Variants in ABL1 observed in about 807,000 individuals in gnomAD.
ABL1 encodes ABL proto-oncogene 1, non-receptor tyrosine kinase, also known as tyrosine-protein kinase ABL1.
In ABL1, 11 loss-of-function variants were observed where a neutral mutation model predicts 94.7. The ratio of observed to expected loss-of-function variants is 0.12; its 90% confidence interval spans 0.07 to 0.19. The LOEUF is 0.19. Among genes scored for constraint, ABL1 ranks in the 10% least tolerant of loss-of-function variants. The pLI is 1.00. For missense variants in ABL1, 1,082 were observed against 1,489.4 expected, an observed-to-expected ratio of 0.73 and a Z score of 4.50; for synonymous variants, 656 against 622.4, an observed-to-expected ratio of 1.05 and a Z score of -0.80.
upstream of ABL1, among the ~76,000 whole-genome samples, chr9:130,832,253 G>C (rs11789591): frequency 2.3e-4 from 35 of 150,308 alleles, no homozygotes; most frequent in South Asian, 6.3e-4. Context: ...CTCCCGAGTA[G>C]CTGGGATTAC....
At chr9:130,773,497 C>A (rs1310859148) in intron 1 of ABL1, among the ~76,000 whole-genome samples, 1 of 151,988 alleles carries the variant, frequency 6.6e-6, no homozygotes, top group Non-Finnish European at 1.5e-5. Context: ...CTTGCTCTAT[C>A]GTCCAGGCTG....
chr9:130,852,249 A>G (rs1032351833), intron 1 of ABL1, among the ~76,000 whole-genome samples: 1 of 151,746 alleles, frequency 6.6e-6, no homozygotes, highest in Non-Finnish European at 1.5e-5. Context: ...GAGTGCAGAG[A>G]CGAGATCTCA....
At chr9:130,811,154 T>C (rs1212182702) in intron 1 of ABL1, among the ~76,000 whole-genome samples, 1 of 151,158 alleles carries the variant, frequency 6.6e-6, no homozygotes, top group Non-Finnish European at 1.5e-5. Context: ...GTACAAGAAA[T>C]ATCAAAGGAT....
chr9:130,810,723 G>A (rs1366873812), intron 1 of ABL1, among the ~76,000 whole-genome samples: 1 of 151,752 alleles, frequency 6.6e-6, no homozygotes, highest in Admixed American at 6.6e-5. Context: ...AAGGAAGGGA[G>A]GGTATGAGGG....
At chr9:130,751,350 C>A (rs1477214496) in intron 1 of ABL1, among the ~76,000 whole-genome samples, 2 of 151,610 alleles carry the variant, frequency 1.3e-5, no homozygotes, top group African/African-American at 4.8e-5. Context: ...ACCATGCTGG[C>A]CAGGCTAGTC....
chr9:130,873,146 T>G, intron 6 of ABL1, 109 bp downstream of exon 6: 1 of 1,162,084 alleles, frequency 8.6e-7, no homozygotes, highest in African/African-American at 1.6e-5. Context: ...GCTTCTAACC[T>G]CAGTGCTGGC....
intron 4 of ABL1, among the ~76,000 whole-genome samples, chr9:130,871,504 G>T (rs1029861773): frequency 3.9e-5 from 6 of 152,210 alleles, no homozygotes; most frequent in African/African-American, 1.4e-4. Context: ...GGGAGCTGCT[G>T]GTGAGGATTA....
intron 1 of ABL1, among the ~76,000 whole-genome samples, chr9:130,849,484 A>G (rs927456382): frequency 2.0e-5 from 3 of 152,156 alleles, no homozygotes; most frequent in Non-Finnish European, 4.4e-5. Context: ...AGTGATTATT[A>G]TCAAGCGTTC....
intron 1 of ABL1, among the ~76,000 whole-genome samples, chr9:130,842,855 G>T (rs13295907): frequency 0.23 from 34,817 of 152,174 alleles, 5,064 homozygotes; most frequent in African/African-American, 0.41. Context: ...CCTGGAACCT[G>T]TTGGGAAGGT....
intron 3 of ABL1, among the ~76,000 whole-genome samples, chr9:130,857,220 T>A (rs1164975771): frequency 6.6e-6 from 1 of 152,332 alleles, no homozygotes; most frequent in East Asian, 1.9e-4. Context: ...GCAGATAAGT[T>A]GCCAGAACTG....
intron 1 of ABL1, among the ~76,000 whole-genome samples, chr9:130,764,453 T>G (rs1832155664): frequency 6.6e-6 from 1 of 152,212 alleles, no homozygotes; most frequent in South Asian, 2.1e-4. Context: ...GGGACTGTGC[T>G]TTGTGCTTCT....
At chr9:130,770,507 CA>C (rs1250215851) in intron 1 of ABL1, among the ~76,000 whole-genome samples, 1 of 152,104 alleles carries the variant, frequency 6.6e-6, no homozygotes, top group African/African-American at 2.4e-5. Context: ...CACTTGTCTC[CA>C]AAAATGTTTA....
chr9:130,883,227 G>A (rs902514658), intron 10 of ABL1, among the ~76,000 whole-genome samples: 3 of 152,228 alleles, frequency 2.0e-5, no homozygotes, highest in Non-Finnish European at 2.9e-5. Flanking sequence ...GCCGGGTGCA[G>A]TGGCTCATGC....
chr9:130,826,561 C>T (rs1462924332), intron 1 of ABL1, among the ~76,000 whole-genome samples: 1 of 152,106 alleles, frequency 6.6e-6, no homozygotes, highest in African/African-American at 2.4e-5. Context: ...CTGAGAGAGA[C>T]CTTGATTAAG....
In ABL1 at chr9:130,813,578, A is replaced by AG. The variant is rs1468552978; in HGVS notation, c.137-40486_137-40485insG. 1.1e-4 allele frequency among the ~76,000 whole-genome samples: 17 copies of AG among 151,680 alleles called. No homozygotes were observed. In the South Asian group the frequency reaches 3.5e-3, roughly 32 times the overall value. Reference sequence around the variant, plus strand: ...TCCATCTCCAAAAAAAAAAAAAAAAAAAAAAAAGAAAGTATGATCTCTGGC... The same window carrying AG: ...TCCATCTCCAAAAAAAAAAAAAAAAAGAAAAAAAGAAAGTATGATCTCTGGC... On this transcript the variant is annotated intron_variant, in intron 1 of 10. Transcript: ENST00000372348.
intron 1 of ABL1, among the ~76,000 whole-genome samples, chr9:130,788,023 TAAGC>T (rs1261149581): frequency 6.6e-6 from 1 of 152,184 alleles, no homozygotes; most frequent in Non-Finnish European, 1.5e-5. Flanking sequence ...TTCTGCATCT[TAAGC>T]AAGGGGAGTA....
rs762958970 is a variant in ABL1 at position 130,885,196 on chromosome 9, C to G, written c.2906C>G (p.Ala969Gly). ...CCGGCCACTCCAAAGCCACAGTCCG[C>G]CAAGCCGTCGGGGACCCCCATCAGC... ...VLPATPKPQSAKPSGTPISPA... is the reference protein window; with the variant it reads ...VLPATPKPQSGKPSGTPISPA... Residue 969 changes from alanine (A) to glycine (G), a missense_variant, in exon 11 of 11, where the codon GCC becomes GGC. Transcript: ENST00000318560. The G allele has an allele frequency of 1.2e-6, 2 of 1,613,548 alleles. No homozygotes were observed. Among genetic ancestry groups the G allele is most frequent in the Admixed American group, 3.3e-5 (2 of 60,028 alleles).
intron 1 of ABL1, among the ~76,000 whole-genome samples, chr9:130,730,046 C>CTTTTTTTTTTTTTTTTTTTTTTTT (rs138446676): frequency 1.9e-5 from 2 of 107,180 alleles, no homozygotes; most frequent in Admixed American, 9.7e-5. Flanking sequence ...CCCAGCCAGA[C>CTTTTTTTTTTTTTTTTTTTTTTTT]TTTTTTTTTT....
At chr9:130,728,131 A>G (rs571012245) in intron 1 of ABL1, among the ~76,000 whole-genome samples, 2 of 149,886 alleles carry the variant, frequency 1.3e-5, no homozygotes, top group Admixed American at 6.7e-5. Context: ...AGTGGCAATC[A>G]TAGCTCACTG....
Sources: gnomAD v4.1 joint callset for allele counts (sites outside exome capture counted in the v4.1 genomes callset) on GRCh38, gnomAD v4.1.1 for gene constraint, MANE v1.5 for transcripts, NCBI Gene and HGNC (gene_info 2026-07-23, HGNC 2026-07-21) for gene names.